The following CHN2 variants were observed in gnomAD, a reference collection of about 807,000 sequenced individuals.
The protein encoded by CHN2 is beta-chimaerin.
Under a neutral mutation model 56.3 loss-of-function variants are expected in CHN2, and 35 were observed. That is an observed-to-expected ratio of 0.62 (90% CI 0.47 to 0.82). CHN2 has a LOEUF of 0.82. Among genes scored for constraint, CHN2 ranks in the 40% least tolerant of loss-of-function variants. The pLI is 0.00. For missense variants in CHN2, 491 were observed against 580.5 expected (o/e 0.85, Z 1.58); for synonymous variants, 210 against 212.8 (o/e 0.99, Z 0.12).
intron 7 of CHN2, among the ~76,000 whole-genome samples, chr7:29,481,657 C>CA (rs780569993): frequency 3.3e-5 from 2 of 60,902 alleles, no homozygotes; most frequent in African/African-American, 5.6e-5. Flanking sequence ...AAATGCCTCC[C>CA]GTTTTTTTTT....
At chr7:29,500,756 C>A (rs982353628) in intron 9 of CHN2, among the ~76,000 whole-genome samples, 3 of 152,112 alleles carry the variant, frequency 2.0e-5, no homozygotes, top group African/African-American at 7.2e-5. Context: ...ACATCTCCTA[C>A]CACATAAAAA....
At chr7:29,344,516 G>T (rs996924876) in intron 1 of CHN2, among the ~76,000 whole-genome samples, 1 of 151,982 alleles carries the variant, frequency 6.6e-6, no homozygotes, top group Non-Finnish European at 1.5e-5. Context: ...GACACTTCTG[G>T]CTCTCAGTGC....
chr7:29,428,648 C>T (rs1805120424), intron 6 of CHN2, among the ~76,000 whole-genome samples: 1 of 152,080 alleles, frequency 6.6e-6, no homozygotes, highest in Non-Finnish European at 1.5e-5. Context: ...AGTTAGATAA[C>T]AAAGAGATTT....
At chr7:29,305,285 A>G (rs929645542) in intron 1 of CHN2, among the ~76,000 whole-genome samples, 9 of 152,310 alleles carry the variant, frequency 5.9e-5, no homozygotes, top group Non-Finnish European at 1.0e-4. Flanking sequence ...CTTATCCAAC[A>G]ATGTTTTTTT....
intron 1 of CHN2, among the ~76,000 whole-genome samples, chr7:29,260,854 G>A (rs1789480960): frequency 6.6e-6 from 1 of 152,116 alleles, no homozygotes; most frequent in Admixed American, 6.5e-5. Flanking sequence ...CCCTCATCAC[G>A]TTTCATCTCA....
At chr7:29,434,084 T>C (rs1419042387) in intron 6 of CHN2, among the ~76,000 whole-genome samples, 2 of 152,206 alleles carry the variant, frequency 1.3e-5, no homozygotes, top group African/African-American at 4.8e-5. Flanking sequence ...TTTTCCTTGG[T>C]AAAATGAAAA....
intron 2 of CHN2, among the ~76,000 whole-genome samples, chr7:29,354,976 T>A (rs201546286): frequency 1.2e-4 from 5 of 43,466 alleles, no homozygotes; most frequent in African/African-American, 5.0e-4. Flanking sequence ...TTATTTATTT[T>A]TTATTTATTG....
At chr7:29,261,039 A>C (rs1337339563) in intron 1 of CHN2, among the ~76,000 whole-genome samples, 2 of 152,240 alleles carry the variant, frequency 1.3e-5, no homozygotes, top group African/African-American at 4.8e-5. Flanking sequence ...TTCAAAGAGA[A>C]ACTCTGAAGG....
At chr7:29,348,656 C>T (rs772533267) in intron 1 of CHN2, among the ~76,000 whole-genome samples, 2 of 152,126 alleles carry the variant, frequency 1.3e-5, no homozygotes, top group Non-Finnish European at 2.9e-5. Context: ...TCTTCCTGCA[C>T]GAATACTGTA....
intron 2 of CHN2, among the ~76,000 whole-genome samples, chr7:29,168,311 G>A (rs768286012): frequency 1.3e-5 from 2 of 152,150 alleles, no homozygotes; most frequent in East Asian, 3.9e-4. Context: ...TTCTCATCTT[G>A]TGTCAGCTTT....
chr7:29,451,329 T>C (rs1402490684), intron 6 of CHN2, among the ~76,000 whole-genome samples: 3 of 152,180 alleles, frequency 2.0e-5, no homozygotes, highest in Non-Finnish European at 4.4e-5. Flanking sequence ...ATTGTCAGCT[T>C]GTAATGGCAT....
chr7:29,335,563 G>A (rs374436080), intron 1 of CHN2: 1 of 152,198 alleles, frequency 6.6e-6, no homozygotes. Context: ...TCCTTTTCTA[G>A]TTTTTGAGTT....
In CHN2 at chr7:29,343,329, G is replaced by A. The variant is rs190788358; in HGVS notation, c.50-11296G>A. Among the ~76,000 whole-genome samples, 508 of 152,290 alleles carry A rather than the reference G, an allele frequency of 3.3e-3. 5 individuals carry two copies. The highest frequency in any genetic ancestry group is 0.012 in the African/African-American group (495 of 41,558). ...GAGGGAGATCAGGGACATGGCCAGTGGTTTGGCAAAGGTAATGACGATGAT... is the reference window on the plus strand; with the variant it reads ...GAGGGAGATCAGGGACATGGCCAGTAGTTTGGCAAAGGTAATGACGATGAT... On this transcript the variant is annotated intron_variant, in intron 1 of 12. Coordinates refer to ENST00000222792, the MANE Select transcript of CHN2 (RefSeq NM_004067.4).
intron 3 of CHN2, among the ~76,000 whole-genome samples, chr7:29,383,132 A>G (rs1184606895): frequency 6.6e-6 from 1 of 152,244 alleles, no homozygotes; most frequent in Non-Finnish European, 1.5e-5. Context: ...AAAGCACAGT[A>G]ATCTTTGCCC....
chr7:29,476,593 C>T (rs970626248), intron 6 of CHN2, among the ~76,000 whole-genome samples: 7 of 151,596 alleles, frequency 4.6e-5, no homozygotes, highest in African/African-American at 1.7e-4. Flanking sequence ...ATATGCAAAG[C>T]GCTGAGTATA....
chr7:29,262,020 T>G (rs916584401), intron 1 of CHN2, among the ~76,000 whole-genome samples: 6 of 151,930 alleles, frequency 3.9e-5, no homozygotes, highest in African/African-American at 1.5e-4. Context: ...ATACAAAAAT[T>G]AGCCAGGCAT....
intron 1 of CHN2, among the ~76,000 whole-genome samples, chr7:29,307,806 C>A (rs767176231): frequency 6.6e-6 from 1 of 152,146 alleles, no homozygotes; most frequent in African/African-American, 2.4e-5. Flanking sequence ...CCAATTGGGG[C>A]CATGTGGAAT....
intron 1 of CHN2, among the ~76,000 whole-genome samples, chr7:29,270,905 T>C (rs1222002311): frequency 6.6e-6 from 1 of 152,144 alleles, no homozygotes; most frequent in African/African-American, 2.4e-5. Flanking sequence ...AATATGTATT[T>C]GCATTTATAA....
intron 6 of CHN2, among the ~76,000 whole-genome samples, chr7:29,442,992 C>G: frequency 7.3e-6 from 1 of 136,690 alleles, no homozygotes; most frequent in Non-Finnish European, 1.5e-5. Flanking sequence ...AGACTGCAGA[C>G]TGCAGTGGCG....
Sources: allele counts gnomAD v4.1 joint callset (sites outside exome capture counted in the v4.1 genomes callset), GRCh38; gene constraint gnomAD v4.1.1; transcripts MANE v1.5; gene names NCBI Gene and HGNC (gene_info 2026-07-23, HGNC 2026-07-21).